Variants in COL21A1 observed in about 807,000 individuals in gnomAD.
The protein encoded by COL21A1 is collagen type XXI alpha 1 chain.
Under a neutral mutation model 137.9 loss-of-function variants are expected in COL21A1, and 149 were observed. That is an observed-to-expected ratio of 1.08 (90% confidence interval 0.95 to 1.24). The LOEUF is 1.24. Among genes scored for constraint, COL21A1 ranks in the 50% most tolerant of loss-of-function variants. COL21A1 has a pLI of 0.00. For missense variants in COL21A1, 1,167 were observed against 1,158.4 expected (o/e 1.01, Z -0.11); for synonymous variants, 456 against 391.5 (o/e 1.16, Z -1.95).
chr6:56,361,796 C>A (rs1581774626), intron 1 of COL21A1, among the ~76,000 whole-genome samples: 1 of 151,606 alleles, frequency 6.6e-6, no homozygotes, highest in African/African-American at 2.4e-5. Context: ...TGTGTGTGTT[C>A]TTTTCTACAA....
At chr6:56,209,669 A>C (rs1780030931) in intron 1 of COL21A1, among the ~76,000 whole-genome samples, 1 of 152,202 alleles carries the variant, frequency 6.6e-6, no homozygotes, top group Admixed American at 6.5e-5. Context: ...GAACGCTTTT[A>C]CACTTGGTGG....
chr6:56,057,393 T>C lies in COL21A1; in HGVS notation c.*264A>G, dbSNP rs183398554. 4.2e-4 allele frequency: 170 copies of C among 404,578 alleles called. 1 individual carries two copies. The highest frequency in any genetic ancestry group is 2.3e-3 in the Admixed American group (52 of 22,502). 25.1% of individuals were successfully genotyped at this position (404,578 alleles called of 1,614,324 possible). On this transcript the variant is annotated 3_prime_UTR_variant, in exon 30 of 30. Transcript: ENST00000244728. ...GCTAACAGGCAATGGTGGATTTTTATATTCAACTTTGATTAACATAAATGG... is the reference window on the plus strand; with the variant it reads ...GCTAACAGGCAATGGTGGATTTTTACATTCAACTTTGATTAACATAAATGG...
At chr6:56,148,338 C>CAGAG (rs150898619) in intron 10 of COL21A1, among the ~76,000 whole-genome samples, 2,577 of 133,204 alleles carry the variant, frequency 0.019, 83 homozygotes, top group East Asian at 0.12. Context: ...AGACAAGAGA[C>CAGAG]AGAGAGAGAG....
At chr6:56,164,098 CCT>C (rs1441354332) in intron 9 of COL21A1, among the ~76,000 whole-genome samples, 10 of 152,004 alleles carry the variant, frequency 6.6e-5, no homozygotes, top group Admixed American at 2.0e-4. Flanking sequence ...TCACAAATGC[CCT>C]TTCTTCATTT....
chr6:56,278,127 A>G (rs1475103767), intron 1 of COL21A1, among the ~76,000 whole-genome samples: 2 of 152,228 alleles, frequency 1.3e-5, no homozygotes, highest in Non-Finnish European at 2.9e-5. Flanking sequence ...TCTCTCTGGC[A>G]AACACAGAAG....
chr6:56,212,456 G>A (rs1467490766), intron 1 of COL21A1, among the ~76,000 whole-genome samples: 1 of 151,980 alleles, frequency 6.6e-6, no homozygotes, highest in Non-Finnish European at 1.5e-5. Flanking sequence ...GGGATTCTAG[G>A]TTTATACGAG....
intron 1 of COL21A1, among the ~76,000 whole-genome samples, chr6:56,220,765 C>T (rs1780778889): frequency 6.6e-6 from 1 of 152,032 alleles, no homozygotes; most frequent in Admixed American, 6.6e-5. Flanking sequence ...CCTATAGGAA[C>T]CAGGCAATGG....
chr6:56,380,066 A>G (rs866539793), intron 1 of COL21A1, among the ~76,000 whole-genome samples: 7 of 152,190 alleles, frequency 4.6e-5, no homozygotes, highest in African/African-American at 7.2e-5. Flanking sequence ...ATCCTGGGGT[A>G]GATCCCTCAT....
Position 56,170,992 on chromosome 6 carries a change from TA to T in COL21A1, c.776del (p.Val259GlufsTer43). 2 of 1,604,658 alleles carry T rather than the reference TA, an allele frequency of 1.2e-6. No individual in the cohort carries two copies. The part of the protein sequence containing the change: ...LSPKKIKGYE[V>X]TSKVDLSELT... ...GTTCTGATAAATCAACTTTTGATGT[TA>T]CTTCATATCCTTTTATCTTTTTTGG... On this transcript the variant is annotated frameshift_variant, in exon 4 of 30. Transcript: ENST00000244728. LOFTEE classifies it high-confidence loss of function.
At chr6:56,383,345 A>G (rs1199846034) in intron 1 of COL21A1, among the ~76,000 whole-genome samples, 1 of 152,210 alleles carries the variant, frequency 6.6e-6, no homozygotes. Context: ...CCCCACTGCT[A>G]AGCACTATCA....
intron 1 of COL21A1, among the ~76,000 whole-genome samples, chr6:56,359,653 G>C (rs1368031355): frequency 6.6e-6 from 1 of 152,134 alleles, no homozygotes; most frequent in Non-Finnish European, 1.5e-5. Flanking sequence ...TACGAGTAAT[G>C]TACCCATTTT....
At chr6:56,163,438 C>T (rs1197293024) in intron 9 of COL21A1, among the ~76,000 whole-genome samples, 2 of 152,252 alleles carry the variant, frequency 1.3e-5, no homozygotes, top group Non-Finnish European at 2.9e-5. Flanking sequence ...TTGCTGGGCG[C>T]GGTGGCTCAC....
At chr6:56,215,232 A>G (rs1020362310) in intron 1 of COL21A1, among the ~76,000 whole-genome samples, 3 of 151,940 alleles carry the variant, frequency 2.0e-5, no homozygotes, top group Non-Finnish European at 4.4e-5. Context: ...TAAATCTTCA[A>G]CCCATTGCAA....
chr6:56,154,781 G>C (rs1423849056), intron 10 of COL21A1, among the ~76,000 whole-genome samples: 1 of 152,022 alleles, frequency 6.6e-6, no homozygotes, highest in Admixed American at 6.6e-5. Flanking sequence ...GAATCCCTGT[G>C]TGTCAGCTGA....
intron 1 of COL21A1, among the ~76,000 whole-genome samples, chr6:56,306,520 A>C (rs1412445798): frequency 6.6e-6 from 1 of 152,204 alleles, no homozygotes; most frequent in Non-Finnish European, 1.5e-5. Context: ...CAGTTGATCG[A>C]ATTGGCTACT....
chr6:56,302,425 C>G (rs982488536), intron 1 of COL21A1, among the ~76,000 whole-genome samples: 1 of 152,002 alleles, frequency 6.6e-6, no homozygotes, highest in Non-Finnish European at 1.5e-5. Flanking sequence ...GCCATTCTAA[C>G]TGGTGTGACA....
At chr6:56,168,905 T>C (rs1776810544) in intron 5 of COL21A1, among the ~76,000 whole-genome samples, 1 of 152,036 alleles carries the variant, frequency 6.6e-6, no homozygotes, top group Non-Finnish European at 1.5e-5. Flanking sequence ...GTACCTCTCC[T>C]ATGTGTGGGT....
chr6:56,307,013 CA>C (rs1764477796), intron 1 of COL21A1, among the ~76,000 whole-genome samples: 1 of 152,216 alleles, frequency 6.6e-6, no homozygotes, highest in Admixed American at 6.5e-5. Context: ...GCCTGGGTAT[CA>C]GCAGCAGAGG....
intron 1 of COL21A1, among the ~76,000 whole-genome samples, chr6:56,267,017 G>A (rs1763408473): frequency 6.6e-6 from 1 of 152,138 alleles, no homozygotes; most frequent in African/African-American, 2.4e-5. Context: ...AAGAGACAAT[G>A]AGCATCCTCT....
Sources: gnomAD v4.1 joint callset for allele counts (sites outside exome capture counted in the v4.1 genomes callset) on GRCh38, gnomAD v4.1.1 for gene constraint, MANE v1.5 for transcripts, NCBI Gene and HGNC (gene_info 2026-07-23, HGNC 2026-07-21) for gene names.